Variants in ATP7A observed in about 807,000 individuals in gnomAD.
ATP7A encodes the protein copper-transporting ATPase 1.
Under a neutral mutation model 83.5 loss-of-function variants are expected in ATP7A, and 7 were observed. That is an observed-to-expected ratio of 0.08 (90% CI 0.05 to 0.16). The LOEUF (loss-of-function observed/expected upper bound fraction) is 0.16. Among genes scored for constraint, ATP7A ranks in the 10% least tolerant of loss-of-function variants. The pLI is 1.00. For missense variants in ATP7A, 940 were observed against 1,120.8 expected (o/e 0.84, Z 2.30); for synonymous variants, 354 against 395.2 (o/e 0.90, Z 1.24).
Position 78,040,723 on chromosome X carries a change from T to A in ATP7A, c.3791T>A (p.Ile1264Asn). The A allele has an allele frequency of 1.7e-6, 2 of 1,210,499 alleles. No homozygotes were observed. ...GACAACAGTAAAACAGCTAGATCTA[T>A]TGCTTCTCAGGTAATTGATAGGGGT... ...TGDNSKTARS[I>N]ASQVGITKVF... The change falls in exon 19 of 23, where the codon ATT becomes AAT. Residue 1264 changes from isoleucine (I) to asparagine (N), a missense_variant. This residue lies in a region of ATP7A where 386 missense variants were observed against 502.2 expected (regional missense o/e 0.77). Coordinates refer to ENST00000341514, the MANE Select transcript of ATP7A (RefSeq NM_000052.7).
intron 4 of ATP7A, among the ~76,000 whole-genome samples, chrX:77,992,704 C>T (rs1043662115): frequency 2.5e-4 from 28 of 110,589 alleles, no homozygotes; most frequent in African/African-American, 8.9e-4. Flanking sequence ...CTCTGTGCCC[C>T]GGGTTCAAGC....
chrX:78,025,158 C>T (rs2077934780), intron 14 of ATP7A, among the ~76,000 whole-genome samples: 1 of 110,624 alleles, frequency 9.0e-6, no homozygotes, highest in Non-Finnish European at 1.9e-5. Flanking sequence ...CACCTTGGAC[C>T]CCTGAAAGCA....
intron 9 of ATP7A, among the ~76,000 whole-genome samples, chrX:78,012,250 A>G (rs1319226773): frequency 1.8e-5 from 2 of 111,995 alleles, no homozygotes; most frequent in Non-Finnish European, 3.8e-5. Flanking sequence ...TCTGATCCTT[A>G]TAAAAGGCAA....
chrX:77,958,275 T>C (rs1273973645), intron 1 of ATP7A, among the ~76,000 whole-genome samples: 1 of 111,325 alleles, frequency 9.0e-6, no homozygotes, highest in Non-Finnish European at 1.9e-5. Context: ...TGCTTCTGTA[T>C]AGCCTGTACA....
chrX:77,994,935 A>G (rs982525295), intron 4 of ATP7A, among the ~76,000 whole-genome samples: 5 of 111,857 alleles, frequency 4.5e-5, no homozygotes, highest in Non-Finnish European at 7.5e-5. Context: ...GGAGCCAGTT[A>G]TATGCCCTGC....
intron 14 of ATP7A, among the ~76,000 whole-genome samples, chrX:78,021,570 T>G (rs1294970143): frequency 8.9e-6 from 1 of 111,969 alleles, no homozygotes; most frequent in Non-Finnish European, 1.9e-5. Context: ...ATATAAGATA[T>G]TATTAGTGTC....
Position 78,033,705 on chromosome X carries a change from A to G in ATP7A, c.3395A>G (p.Lys1132Arg), listed in dbSNP as rs2077996141. 8.3e-7 allele frequency: 1 copy of G among 1,210,349 alleles called. No homozygotes were observed. The highest frequency in any genetic ancestry group is 1.1e-6 in the Non-Finnish European group (1 of 894,389). ...ACCAATATTGAAGGCTTGCTACATA[A>G]GAATAACTGGAATATAGAGGACAAT... ...KVTNIEGLLHKNNWNIEDNNI... is the reference protein window; with the variant it reads ...KVTNIEGLLHRNNWNIEDNNI... Residue 1132 changes from lysine (K) to arginine (R), a missense_variant, in exon 17 of 23, where the codon AAG becomes AGG. Lys to Arg is a conservative substitution (Grantham distance 26). Transcript: ENST00000341514.
chrX:78,025,182 T>C (rs2149102469), intron 14 of ATP7A, among the ~76,000 whole-genome samples: 1 of 109,534 alleles, frequency 9.1e-6, no homozygotes, highest in Admixed American at 9.8e-5. Flanking sequence ...AAAACAAAGC[T>C]AAATGATCAC....
At chrX:77,987,444 T>TTTTG (rs1557231469) in intron 2 of ATP7A, among the ~76,000 whole-genome samples, 5 of 85,867 alleles carry the variant, frequency 5.8e-5, no homozygotes, top group African/African-American at 1.3e-4. Flanking sequence ...AACCCAGTAT[T>TTTTG]TGTGTGTGTG....
At chrX:78,037,998 T>C (rs2078024913) in intron 17 of ATP7A, among the ~76,000 whole-genome samples, 1 of 94,052 alleles carries the variant, frequency 1.1e-5, no homozygotes, top group African/African-American at 4.0e-5. Context: ...TTTTTTTTTT[T>C]TTTTTTTTAA....
At chrX:77,970,526 G>T (rs2077540141) in intron 1 of ATP7A, among the ~76,000 whole-genome samples, 1 of 111,118 alleles carries the variant, frequency 9.0e-6, no homozygotes, top group African/African-American at 3.3e-5. Flanking sequence ...CAAAAAATTA[G>T]CCGGGTGTGG....
At chrX:78,015,930 T>C in intron 12 of ATP7A, 49 bp downstream of exon 12, 1 of 1,187,494 alleles carries the variant, frequency 8.4e-7, no homozygotes, top group Non-Finnish European at 1.1e-6. Context: ...AAAATAGACA[T>C]GAAAGATGAA....
At chrX:77,941,771 T>C (rs1379442286) in intron 1 of ATP7A, among the ~76,000 whole-genome samples, 2 of 111,978 alleles carry the variant, frequency 1.8e-5, no homozygotes, top group Admixed American at 1.9e-4. Context: ...AAAAGCTCTG[T>C]TGATTGTGGA....
intron 7 of ATP7A, among the ~76,000 whole-genome samples, chrX:78,010,627 T>A (rs2077814106): frequency 1.1e-5 from 1 of 87,807 alleles, no homozygotes; most frequent in African/African-American, 4.4e-5. Flanking sequence ...TCGCCTGGGC[T>A]GGAGTGCAGT....
chrX:77,974,763 T>G, intron 2 of ATP7A: 1 of 297,511 alleles, frequency 3.4e-6, no homozygotes, highest in Admixed American at 6.1e-5. Context: ...GATGGTGAAT[T>G]ACACTGATTG....
chrX:77,999,981 C>G, intron 5 of ATP7A, among the ~76,000 whole-genome samples: 1 of 110,222 alleles, frequency 9.1e-6, no homozygotes, highest in Non-Finnish European at 1.9e-5. Context: ...TTTGGCTGCC[C>G]TAGCCCTAGG....
intron 1 of ATP7A, among the ~76,000 whole-genome samples, chrX:77,928,704 A>T (rs2077256700): frequency 8.9e-6 from 1 of 112,411 alleles, no homozygotes; most frequent in Non-Finnish European, 1.9e-5. Context: ...CCTAGCCATC[A>T]TTTATAAAGT....
intron 1 of ATP7A, chrX:77,965,459 C>T (rs187699887): frequency 7.2e-5 from 23 of 318,535 alleles, no homozygotes; most frequent in Non-Finnish European, 1.3e-4. Flanking sequence ...ATCAAAACCA[C>T]AATGAGATAC....
chrX:77,962,956 C>G (rs1396838259), intron 1 of ATP7A: 1 of 287,355 alleles, frequency 3.5e-6, no homozygotes, highest in African/African-American at 2.8e-5. Context: ...CATATATGAT[C>G]ATTTCACATG....
Sources: allele counts gnomAD v4.1 joint callset (sites outside exome capture counted in the v4.1 genomes callset), GRCh38; gene constraint gnomAD v4.1.1; regional missense constraint gnomAD v4.1.1; transcripts MANE v1.5; gene names NCBI Gene and HGNC (gene_info 2026-07-23, HGNC 2026-07-21).